Variants in ZNF277 observed in about 807,000 individuals in gnomAD.
ZNF277 encodes zinc finger protein 277.
ZNF277 carries 55 observed loss-of-function variants against 60.7 expected under a neutral mutation model. The observed-to-expected ratio is 0.91, with a 90% CI of 0.73 to 1.13. The LOEUF is 1.13. Among genes scored for constraint, ZNF277 ranks in the 50% most tolerant of loss-of-function variants. ZNF277 has a pLI of 0.00. For synonymous variants in ZNF277, 178 were observed against 179.3 expected (o/e 0.99, Z 0.06); for missense variants, 510 against 523.0 (o/e 0.98, Z 0.24).
intron 1 of ZNF277, among the ~76,000 whole-genome samples, chr7:112,233,565 G>A (rs1046102985): frequency 1.3e-5 from 2 of 152,136 alleles, no homozygotes; most frequent in African/African-American, 4.8e-5. Flanking sequence ...TTTACTCTTA[G>A]CATGTCATCA....
At chr7:112,323,292 A>C (rs1479490271) in intron 5 of ZNF277, among the ~76,000 whole-genome samples, 1 of 152,068 alleles carries the variant, frequency 6.6e-6, no homozygotes, top group African/African-American at 2.4e-5. Context: ...TTTCCTTTTA[A>C]ATGTTTTGGC....
chr7:112,307,198 C>A (rs1391438653), intron 4 of ZNF277, among the ~76,000 whole-genome samples: 1 of 152,082 alleles, frequency 6.6e-6, no homozygotes, highest in Non-Finnish European at 1.5e-5. Flanking sequence ...TTGGAGGAAG[C>A]CCATGGGGGG....
Position 112,318,263 on chromosome 7 carries a change from C to T in ZNF277, c.547C>T (p.Leu183Phe), listed in dbSNP as rs749489429. The change falls in exon 5 of 12, where the codon CTT becomes TTT. Residue 183 changes from leucine to phenylalanine, a missense_variant. Leu to Phe is a conservative substitution (Grantham distance 22). Coordinates refer to ENST00000361822, the MANE Select transcript of ZNF277 (RefSeq NM_021994.3). ...TTGTATGTTTTGCAATGAAGAATTC[C>T]TTGGAAACAGGTTTGCCATTTTGCA... ...GVCMFCNEEF[L>F]GNRSVILNHM... 6.8e-6 allele frequency: 11 copies of T among 1,612,664 alleles called. No individual in the cohort carries two copies. The highest frequency in any genetic ancestry group is 9.3e-6 in the Non-Finnish European group (11 of 1,178,880).
At chr7:112,223,489 G>C (rs1047836125) in intron 1 of ZNF277, among the ~76,000 whole-genome samples, 3 of 152,210 alleles carry the variant, frequency 2.0e-5, no homozygotes, top group Admixed American at 6.5e-5. Flanking sequence ...TTTTGGAAGA[G>C]GCCCAAATCC....
intron 1 of ZNF277, among the ~76,000 whole-genome samples, chr7:112,228,106 T>G (rs1822222891): frequency 6.6e-6 from 1 of 152,038 alleles, no homozygotes; most frequent in Non-Finnish European, 1.5e-5. Flanking sequence ...TGGTACCAAG[T>G]GGTCTTGGCT....
chr7:112,270,472 A>G (rs1261708128), intron 1 of ZNF277, among the ~76,000 whole-genome samples: 1 of 152,084 alleles, frequency 6.6e-6, no homozygotes, highest in Non-Finnish European at 1.5e-5. Context: ...TAATAATGAG[A>G]AAGCTCGGCC....
chr7:112,338,679 TG>T (rs1438758346), intron 9 of ZNF277, among the ~76,000 whole-genome samples: 1 of 152,212 alleles, frequency 6.6e-6, no homozygotes, highest in Non-Finnish European at 1.5e-5. Context: ...ACATTTTCCT[TG>T]ATTTTAGTTT....
chr7:112,267,538 G>A (rs895837964), intron 1 of ZNF277, among the ~76,000 whole-genome samples: 26 of 152,216 alleles, frequency 1.7e-4, no homozygotes, highest in African/African-American at 6.0e-4. Context: ...GGAGAATAAA[G>A]TGGGAATACA....
chr7:112,325,462 TC>T (rs1318178909), intron 5 of ZNF277, among the ~76,000 whole-genome samples: 1 of 152,202 alleles, frequency 6.6e-6, no homozygotes, highest in East Asian at 1.9e-4. Flanking sequence ...CTGTCCTTGA[TC>T]CAGAAGGCAT....
At chr7:112,315,720 C>G (rs1203139919) in intron 4 of ZNF277, among the ~76,000 whole-genome samples, 1 of 151,938 alleles carries the variant, frequency 6.6e-6, no homozygotes. Flanking sequence ...ATGTCTGTGA[C>G]CTAGAAAGTC....
intron 1 of ZNF277, among the ~76,000 whole-genome samples, chr7:112,212,293 T>C (rs1821771168): frequency 6.6e-6 from 1 of 152,242 alleles, no homozygotes; most frequent in Non-Finnish European, 1.5e-5. Flanking sequence ...TTCTACAGGC[T>C]GTCATTCTAT....
intron 1 of ZNF277, among the ~76,000 whole-genome samples, chr7:112,220,403 C>T (rs190611531): frequency 8.6e-5 from 13 of 151,284 alleles, no homozygotes; most frequent in Middle Eastern, 3.4e-3. Context: ...TTACTGAGTT[C>T]GTTTATCAGT....
intron 4 of ZNF277, among the ~76,000 whole-genome samples, chr7:112,315,271 T>A (rs1399183966): frequency 6.6e-6 from 1 of 152,146 alleles, no homozygotes; most frequent in Non-Finnish European, 1.5e-5. Flanking sequence ...GATCTGTTTT[T>A]CCTTAGCTGA....
chr7:112,338,677 C>G (rs1352456939), intron 9 of ZNF277, among the ~76,000 whole-genome samples: 1 of 152,074 alleles, frequency 6.6e-6, no homozygotes, highest in Non-Finnish European at 1.5e-5. Flanking sequence ...AAACATTTTC[C>G]TTGATTTTAG....
At chr7:112,340,758 G>C in intron 10 of ZNF277, 114 bp from the exon 11 acceptor site, 1 of 826,114 alleles carries the variant, frequency 1.2e-6, no homozygotes. Flanking sequence ...CTTTATAATT[G>C]TACTGCCTCT....
intron 1 of ZNF277, among the ~76,000 whole-genome samples, chr7:112,243,700 A>G (rs549640568): frequency 1.7e-4 from 26 of 152,122 alleles, no homozygotes; most frequent in African/African-American, 5.8e-4. Flanking sequence ...GAATGCAGAG[A>G]AAATGGGAAT....
intron 2 of ZNF277, chr7:112,287,728 T>C (rs1457272709): frequency 6.6e-6 from 1 of 152,222 alleles, no homozygotes; most frequent in Non-Finnish European, 1.5e-5. Flanking sequence ...GGTTTCACCA[T>C]GTTGGCCAGG....
intron 1 of ZNF277, among the ~76,000 whole-genome samples, chr7:112,262,890 T>C (rs1791467500): frequency 6.6e-6 from 1 of 152,140 alleles, no homozygotes; most frequent in South Asian, 2.1e-4. Flanking sequence ...ATAAAATATA[T>C]ATTGTATTTC....
At chr7:112,208,674 ATTTTTTTTT>A (rs869082099) in intron 1 of ZNF277, among the ~76,000 whole-genome samples, 1 of 72,802 alleles carries the variant, frequency 1.4e-5, no homozygotes, top group Non-Finnish European at 2.3e-5. Flanking sequence ...GTATGATTTG[ATTTTTTTTT>A]TTTTTTTTTT....
Sources: allele counts gnomAD v4.1 joint callset (sites outside exome capture counted in the v4.1 genomes callset), GRCh38; gene constraint gnomAD v4.1.1; transcripts MANE v1.5; gene names NCBI Gene and HGNC (gene_info 2026-07-23, HGNC 2026-07-21).